Variants in NSUN6 observed in about 807,000 individuals in gnomAD.
The protein encoded by NSUN6 is tRNA (cytosine(72)-C(5))-methyltransferase NSUN6.
In NSUN6, 64 loss-of-function variants were observed where a neutral mutation model predicts 58.0. That is an observed-to-expected ratio of 1.10 (90% CI 0.90 to 1.36). NSUN6 has a LOEUF of 1.36. Among genes scored for constraint, NSUN6 ranks in the 40% most tolerant of loss-of-function variants. The pLI is 0.00. For synonymous variants in NSUN6, 231 were observed against 193.9 expected, an observed-to-expected ratio of 1.19 and a Z score of -1.59; for missense variants, 701 against 550.1, an observed-to-expected ratio of 1.27 and a Z score of -2.74.
chr10:18,646,477 A>T (rs1470666150), intron 2 of NSUN6, among the ~76,000 whole-genome samples: 4 of 152,156 alleles, frequency 2.6e-5, no homozygotes, highest in African/African-American at 9.7e-5. Context: ...GACTGATCCT[A>T]GCCCATGGGA....
At chr10:18,584,650 G>C (rs963109541) in intron 8 of NSUN6, among the ~76,000 whole-genome samples, 4 of 152,056 alleles carry the variant, frequency 2.6e-5, no homozygotes, top group Non-Finnish European at 5.9e-5. Flanking sequence ...ACCCACATTT[G>C]ATGAAAAGCA....
chr10:18,638,320 T>G (rs183000948), intron 3 of NSUN6, among the ~76,000 whole-genome samples: 10 of 152,238 alleles, frequency 6.6e-5, no homozygotes, highest in African/African-American at 2.2e-4. Context: ...CAGCTGCCTG[T>G]AATCTCAACT....
chr10:18,651,222 C>A lies in NSUN6; in HGVS notation c.-19G>T, dbSNP rs1462278967. 3.2e-6 allele frequency: 5 copies of A among 1,539,138 alleles called. No individual in the cohort carries two copies. The African/African-American group carries it at 5.7e-5, about 18-fold the overall frequency. On this transcript the variant is annotated 5_prime_UTR_variant, in exon 1 of 11. Transcript: ENST00000377304. ...TAGACATTTTTCCTGTTGTTTAGTT[C>A]TCCACCAAGAGAAATGCTGGAAAAC...
At position 18,645,254 on chromosome 10, in the gene NSUN6, T is replaced by C. The variant is rs951308788; in HGVS notation, c.232-2699A>G. ...ATGATAGTGATGTCAAACAACCAGA[T>C]TGTCCACATGGCTGAGATAGTGACA... On this transcript the variant is annotated intron_variant, in intron 2 of 10. Coordinates refer to ENST00000377304, the MANE Select transcript of NSUN6 (RefSeq NM_182543.5). Among the ~76,000 whole-genome samples the C allele has an allele frequency of 6.6e-5, 7 of 106,104 alleles. No individual in the cohort carries two copies. In the South Asian group the frequency reaches 1.2e-3, roughly 18 times the overall value. 69.6% of individuals were successfully genotyped at this position (106,104 alleles called of 152,430 possible). A position where few individuals can be genotyped will look rare whatever the true frequency, so the allele number is the denominator to read the frequency against.
chr10:18,551,604 G>A (rs1019509764), intron 9 of NSUN6: 14 of 403,922 alleles, frequency 3.5e-5, no homozygotes, highest in Non-Finnish European at 8.8e-6. Context: ...GTTCACCCAT[G>A]TTGTGCCTGT....
At position 18,600,244 on chromosome 10, in the gene NSUN6, A is replaced by C. The variant is rs1263505110; in HGVS notation, c.658-3917T>G. ...AAAACCAAAGCAAAACGAAAAAAAA[A>C]CCCCACAAATTTCCCAAATATTTTT... On this transcript the variant is annotated intron_variant, in intron 6 of 10. Coordinates refer to ENST00000377304, the MANE Select transcript of NSUN6 (RefSeq NM_182543.5). Among the ~76,000 whole-genome samples, 6 of 152,126 alleles carry C rather than the reference A, an allele frequency of 3.9e-5. No homozygotes were observed. In the South Asian group the frequency reaches 6.2e-4, roughly 16 times the overall value.
chr10:18,593,972 G>C (rs1428045117), intron 7 of NSUN6, among the ~76,000 whole-genome samples: 1 of 151,882 alleles, frequency 6.6e-6, no homozygotes, highest in Admixed American at 6.6e-5. Flanking sequence ...GGCCGGGGCA[G>C]GCAGATCACT....
Position 18,546,061 on chromosome 10 carries a change from C to T in NSUN6, c.1282G>A (p.Ala428Thr). 6.2e-7 allele frequency: 1 copy of T among 1,606,316 alleles called. No homozygotes were observed. The highest frequency in any genetic ancestry group is 8.5e-7 in the Non-Finnish European group (1 of 1,176,878). The change falls in exon 11 of 11, where the codon GCT (alanine) becomes ACT (threonine). Residue 428 changes from alanine to threonine, a missense_variant. Physicochemically the swap from Ala to Thr is moderately conservative, Grantham distance 58. Transcript: ENST00000377304. ...ATGTCAGTGTCCGGTAATGGCACAGCCGATGGATCAAATCGCTGCAGCTGT... is the reference window on the plus strand; with the variant it reads ...ATGTCAGTGTCCGGTAATGGCACAGTCGATGGATCAAATCGCTGCAGCTGT... ...LKQLQRFDPSAVPLPDTDMDS... is the reference protein window; with the variant it reads ...LKQLQRFDPSTVPLPDTDMDS...
chr10:18,602,164 C>T (rs11015089), intron 6 of NSUN6, among the ~76,000 whole-genome samples: 7,302 of 150,632 alleles, frequency 0.048, 273 homozygotes, highest in Non-Finnish European at 0.077. Flanking sequence ...CCAGGTTCAA[C>T]TGATTCTCCT....
chr10:18,595,639 T>A (rs2131202644), intron 7 of NSUN6, among the ~76,000 whole-genome samples: 1 of 152,330 alleles, frequency 6.6e-6, no homozygotes, highest in African/African-American at 2.4e-5. Context: ...GTATATCCTC[T>A]CTAATGAGTA....
In NSUN6 at chr10:18,551,951, C is replaced by A; in HGVS notation, c.943G>T (p.Glu315Ter). 6.2e-7 allele frequency: 1 copy of A among 1,606,550 alleles called. No individual in the cohort carries two copies. Among genetic ancestry groups the A allele is most frequent in the Non-Finnish European group, 8.5e-7 (1 of 1,174,096 alleles). The change falls in exon 9 of 11, where the codon GAA becomes TAA. Residue 315 changes from glutamate (E) to a stop codon, truncating the protein, a stop_gained. Transcript: ENST00000377304. LOFTEE classifies it high-confidence loss of function. ...TCCAGAAGAATTCGGTCAAAGGATTCTGGTAGAAATGGAGGTTCTCCTATA... is the reference window on the plus strand; with the variant it reads ...TCCAGAAGAATTCGGTCAAAGGATTATGGTAGAAATGGAGGTTCTCCTATA... Reference protein sequence around the residue: ...DTEGEPPFLPESFDRILLDAP... With the variant: ...DTEGEPPFLP
At chr10:18,551,065 T>C (rs546692933) in intron 9 of NSUN6, among the ~76,000 whole-genome samples, 1 of 152,310 alleles carries the variant, frequency 6.6e-6, no homozygotes, top group Admixed American at 6.5e-5. Context: ...ATTTATTTTA[T>C]ATCTAATTCT....
upstream of NSUN6, chr10:18,651,713 C>G (rs2131614719): frequency 1.0e-6 from 1 of 985,784 alleles, no homozygotes; most frequent in Non-Finnish European, 1.2e-6. Context: ...TTCCCCAACA[C>G]TGCGTTACGC....
At chr10:18,588,941 C>T (rs1589974326) in intron 7 of NSUN6, among the ~76,000 whole-genome samples, 1 of 152,124 alleles carries the variant, frequency 6.6e-6, no homozygotes, top group African/African-American at 2.4e-5. Flanking sequence ...CAGAAGTAGG[C>T]TTCTGAAGGT....
At chr10:18,651,002 A>C in intron 1 of NSUN6, 127 bp downstream of exon 1, 1 of 1,057,238 alleles carries the variant, frequency 9.5e-7, no homozygotes, top group Non-Finnish European at 1.4e-6. Context: ...GTATTTTTAC[A>C]CTTGATAGAC....
chr10:18,600,158 A>G (rs1253000866), intron 6 of NSUN6, among the ~76,000 whole-genome samples: 2 of 152,144 alleles, frequency 1.3e-5, no homozygotes, highest in African/African-American at 4.8e-5. Context: ...GGCTGTTGGA[A>G]GCCACAGGGG....
intron 8 of NSUN6, among the ~76,000 whole-genome samples, chr10:18,574,365 A>G (rs949078797): frequency 5.3e-5 from 8 of 152,086 alleles, no homozygotes; most frequent in African/African-American, 1.9e-4. Flanking sequence ...TTAGAAAAGA[A>G]TGATTTAACA....
chr10:18,595,658 C>T (rs2057556135), intron 7 of NSUN6, among the ~76,000 whole-genome samples: 1 of 152,100 alleles, frequency 6.6e-6, no homozygotes, highest in African/African-American at 2.4e-5. Context: ...TATTACATTC[C>T]TCAAAATGTA....
At chr10:18,596,958 G>C (rs11015048) in intron 6 of NSUN6, among the ~76,000 whole-genome samples, 53,098 of 151,922 alleles carry the variant, frequency 0.35, 9,870 homozygotes, top group East Asian at 0.74. Flanking sequence ...TCTCATTTAA[G>C]ATGCCTTGTT....
Sources: allele counts gnomAD v4.1 joint callset (sites outside exome capture counted in the v4.1 genomes callset), GRCh38; gene constraint gnomAD v4.1.1; transcripts MANE v1.5; gene names NCBI Gene and HGNC (gene_info 2026-07-23, HGNC 2026-07-21).